Variants in WDFY4 observed in about 807,000 individuals in gnomAD.
WDFY4 encodes the protein WD repeat- and FYVE domain-containing protein 4.
Under a neutral mutation model 351.9 loss-of-function variants are expected in WDFY4, and 169 were observed. That is an observed-to-expected ratio of 0.48 (90% CI 0.42 to 0.55). The LOEUF is 0.55. WDFY4 is among the 20% of genes least tolerant of loss of function. WDFY4 has a pLI of 0.00. For missense variants in WDFY4, 3,803 were observed against 3,935.6 expected (o/e 0.97, Z 0.90); for synonymous variants, 1,622 against 1,574.6 (o/e 1.03, Z -0.71).
chr10:48,757,492 A>G (rs2065371533), intron 12 of WDFY4, among the ~76,000 whole-genome samples: 1 of 152,044 alleles, frequency 6.6e-6, no homozygotes, highest in South Asian at 2.1e-4. Context: ...TGTTACTTTT[A>G]ACCTATCTAT....
At chr10:48,848,402 C>T (rs1026812263) in intron 39 of WDFY4, among the ~76,000 whole-genome samples, 8 of 152,190 alleles carry the variant, frequency 5.3e-5, no homozygotes, top group Non-Finnish European at 8.8e-5. Context: ...TTAGGTCACC[C>T]GTTTACTGGA....
chr10:48,771,269 T>C (rs1480236738), intron 13 of WDFY4, among the ~76,000 whole-genome samples: 1 of 152,224 alleles, frequency 6.6e-6, no homozygotes, highest in African/African-American at 2.4e-5. Flanking sequence ...AACACTATCT[T>C]ATTTCTGTCA....
At chr10:48,810,837 G>A (rs542725473) in intron 29 of WDFY4, 102 bp downstream of exon 29, 14 of 1,238,066 alleles carry the variant, frequency 1.1e-5, no homozygotes, top group South Asian at 8.6e-5. Context: ...TCACAGCTCT[G>A]TGCAGCAGGA....
chr10:48,870,852 T>A (rs1170456182), intron 40 of WDFY4, among the ~76,000 whole-genome samples: 4 of 152,170 alleles, frequency 2.6e-5, no homozygotes, highest in Non-Finnish European at 2.9e-5. Context: ...CTACAGATAT[T>A]CAAGGCAACA....
chr10:48,934,079 G>T (rs968026995), intron 47 of WDFY4, among the ~76,000 whole-genome samples: 1 of 152,194 alleles, frequency 6.6e-6, no homozygotes, highest in Non-Finnish European at 1.5e-5. Flanking sequence ...CATGTGATCA[G>T]AGCAGCTTAC....
At chr10:48,914,172 A>G in intron 47 of WDFY4, 1 of 1,604,150 alleles carries the variant, frequency 6.2e-7, no homozygotes, top group Non-Finnish European at 8.5e-7. Context: ...TTAGTAAGGG[A>G]GTGTTAGAAG....
chr10:48,733,272 C>T (rs1413145447), intron 9 of WDFY4, among the ~76,000 whole-genome samples: 3 of 152,302 alleles, frequency 2.0e-5, no homozygotes, highest in East Asian at 3.9e-4. Flanking sequence ...CTTAGATACT[C>T]TGTCTCCTGG....
intron 60 of WDFY4, chr10:48,978,748 C>T: frequency 5.3e-6 from 1 of 187,152 alleles, no homozygotes; most frequent in Non-Finnish European, 1.1e-5. Flanking sequence ...TCATTACCTC[C>T]TCCAGCTCAG....
chr10:48,899,044 GAGT>G (rs1388917299), intron 45 of WDFY4, among the ~76,000 whole-genome samples: 3 of 152,286 alleles, frequency 2.0e-5, no homozygotes, highest in African/African-American at 7.2e-5. Flanking sequence ...ATGTTATATA[GAGT>G]AGCAGATAGG....
At chr10:48,777,984 G>A (rs79408636) in intron 17 of WDFY4, among the ~76,000 whole-genome samples, 3,164 of 152,318 alleles carry the variant, frequency 0.021, 110 homozygotes, top group African/African-American at 0.072. Flanking sequence ...AGAGAAATAT[G>A]AGTTGGGCTG....
intron 19 of WDFY4, among the ~76,000 whole-genome samples, chr10:48,784,345 G>C (rs961715827): frequency 2.0e-5 from 3 of 152,016 alleles, no homozygotes; most frequent in African/African-American, 7.3e-5. Context: ...ACTTAGCATT[G>C]TCACTATTTT....
intron 12 of WDFY4, among the ~76,000 whole-genome samples, chr10:48,746,563 T>A (rs887641823): frequency 1.3e-5 from 2 of 152,178 alleles, no homozygotes; most frequent in African/African-American, 4.8e-5. Context: ...TGTTTACGCT[T>A]TCATAATTAT....
chr10:48,877,990 C>T (rs1045094556), intron 43 of WDFY4: 3 of 152,292 alleles, frequency 2.0e-5, no homozygotes, highest in East Asian at 1.9e-4. Context: ...GTCACCTAAC[C>T]GTTGTCAGCC....
At chr10:48,742,889 G>A (rs903383821) in intron 11 of WDFY4, 79 bp from the exon 12 acceptor site, 14 of 1,342,582 alleles carry the variant, frequency 1.0e-5, no homozygotes, top group African/African-American at 2.9e-5. Context: ...CTAGTGGGAC[G>A]CTCTGGCAGG....
chr10:48,869,995 C>T (rs2069702243), intron 40 of WDFY4, among the ~76,000 whole-genome samples: 1 of 152,218 alleles, frequency 6.6e-6, no homozygotes, highest in East Asian at 1.9e-4. Context: ...TCAAGCAGCG[C>T]TGGATCAAGT....
intron 43 of WDFY4, among the ~76,000 whole-genome samples, chr10:48,888,266 T>A (rs896762843): frequency 2.1e-5 from 1 of 47,102 alleles, no homozygotes; most frequent in Non-Finnish European, 4.3e-5. Context: ...TCCCCTCCCC[T>A]CCTTTCCTCT....
At position 48,942,166 on chromosome 10, in the gene WDFY4, T is replaced by C. The variant is rs1840803455; in HGVS notation, c.7629+318T>C. On this transcript the variant is annotated intron_variant, in intron 48 of 61. Transcript: ENST00000325239. ...TTTTAGTAGAGACAGGGTTTCACCA[T>C]GCTGGCCAGGCTGGTCTTGAACTCC... Among the ~76,000 whole-genome samples the C allele has an allele frequency of 3.9e-5, 6 of 152,144 alleles. No homozygotes were observed. In the South Asian group the frequency reaches 1.0e-3, roughly 26 times the overall value.
At chr10:48,782,892 G>T (rs532874557) in intron 19 of WDFY4, among the ~76,000 whole-genome samples, 1 of 152,282 alleles carries the variant, frequency 6.6e-6, no homozygotes, top group Admixed American at 6.5e-5. Flanking sequence ...GCATACACTG[G>T]GAATTTGGAA....
intron 14 of WDFY4, among the ~76,000 whole-genome samples, chr10:48,775,147 A>G (rs929311991): frequency 2.6e-5 from 4 of 152,198 alleles, no homozygotes; most frequent in Non-Finnish European, 4.4e-5. Flanking sequence ...ACATTCCTGG[A>G]GAGCCATGGC....
Sources: gnomAD v4.1 joint callset for allele counts (sites outside exome capture counted in the v4.1 genomes callset) on GRCh38, gnomAD v4.1.1 for gene constraint, MANE v1.5 for transcripts, NCBI Gene and HGNC (gene_info 2026-07-23, HGNC 2026-07-21) for gene names.